TMEM117: variants seen among roughly 807,000 people sequenced by gnomAD.
TMEM117 encodes transmembrane protein 117.
Under a neutral mutation model 52.4 loss-of-function variants are expected in TMEM117, and 27 were observed. The ratio of observed to expected loss-of-function variants is 0.51; its 90% confidence interval spans 0.38 to 0.71. The LOEUF (loss-of-function observed/expected upper bound fraction) is 0.71, where lower values mean the gene tolerates loss of function less well. Ranked by LOEUF, TMEM117 falls within the 30% of genes least tolerant of loss-of-function variation. The probability of loss-of-function intolerance (pLI) is 0.00; values close to 1 mark genes in which losing one functional copy is unlikely to be tolerated. For missense variants in TMEM117, 556 were observed against 630.5 expected (o/e 0.88, Z 1.26); for synonymous variants, 215 against 206.3 (o/e 1.04, Z -0.36).
chr12:43,879,269 C>T (rs1943854605), intron 2 of TMEM117, among the ~76,000 whole-genome samples: 1 of 152,114 alleles, frequency 6.6e-6, no homozygotes, highest in African/African-American at 2.4e-5. Context: ...AAAACTTTAT[C>T]ATCAAAACAG....
intron 3 of TMEM117, among the ~76,000 whole-genome samples, chr12:44,114,917 T>C (rs1268204967): frequency 6.6e-6 from 1 of 152,224 alleles, no homozygotes; most frequent in East Asian, 1.9e-4. Flanking sequence ...AGATACAGGC[T>C]ATGAATAAAA....
intron 3 of TMEM117, among the ~76,000 whole-genome samples, chr12:43,955,932 A>G (rs1305644018): frequency 1.3e-5 from 2 of 152,336 alleles, no homozygotes; most frequent in East Asian, 3.9e-4. Flanking sequence ...TGGTACTGGT[A>G]CGAAAATAGG....
chr12:43,925,237 C>T (rs1592368251), intron 2 of TMEM117, among the ~76,000 whole-genome samples: 1 of 151,850 alleles, frequency 6.6e-6, no homozygotes, highest in Admixed American at 6.6e-5. Flanking sequence ...GTGGGGGTGT[C>T]TAGCCAGAGG....
intron 7 of TMEM117, among the ~76,000 whole-genome samples, chr12:44,378,958 T>C (rs889200521): frequency 1.3e-5 from 2 of 152,054 alleles, no homozygotes; most frequent in African/African-American, 4.8e-5. Context: ...AAAAAGGCTT[T>C]TGAGGATTCT....
intron 2 of TMEM117, among the ~76,000 whole-genome samples, chr12:43,924,126 A>G (rs1944739734): frequency 6.6e-6 from 1 of 152,172 alleles, no homozygotes; most frequent in South Asian, 2.1e-4. Flanking sequence ...AATGGGTTTT[A>G]TATACTAATC....
At chr12:44,072,382 CCTCT>C (rs916535688) in intron 3 of TMEM117, among the ~76,000 whole-genome samples, 15 of 152,100 alleles carry the variant, frequency 9.9e-5, no homozygotes, top group African/African-American at 3.6e-4. Flanking sequence ...CATTCCCGTT[CCTCT>C]CTCTCTGCCT....
At chr12:44,140,016 A>G (rs1948548868) in intron 3 of TMEM117, among the ~76,000 whole-genome samples, 1 of 152,180 alleles carries the variant, frequency 6.6e-6, no homozygotes, top group South Asian at 2.1e-4. Context: ...AGCAGCAAAA[A>G]TAAGAATAAT....
the TMEM117 span, chr12:43,798,683 T>A: frequency 1.6e-6 from 2 of 1,264,098 alleles, no homozygotes; most frequent in South Asian, 2.9e-5. Context: ...AATAATATGA[T>A]AGATCCTTGC....
intron 4 of TMEM117, among the ~76,000 whole-genome samples, chr12:44,161,855 T>C (rs1298684854): frequency 6.6e-6 from 1 of 152,144 alleles, no homozygotes; most frequent in African/African-American, 2.4e-5. Context: ...AGTGACAAGT[T>C]GATACTGATC....
chr12:44,016,702 A>C (rs375103422), intron 3 of TMEM117, among the ~76,000 whole-genome samples: 2 of 152,202 alleles, frequency 1.3e-5, no homozygotes, highest in African/African-American at 4.8e-5. Flanking sequence ...TTACGAGCTA[A>C]TGGGAATGTA....
intron 6 of TMEM117, among the ~76,000 whole-genome samples, chr12:44,313,954 G>C (rs1951022528): frequency 6.6e-6 from 1 of 152,096 alleles, no homozygotes; most frequent in Admixed American, 6.6e-5. Flanking sequence ...TGCTGATTTT[G>C]TGTCCTGAAA....
At chr12:44,176,123 A>G (rs1184954458) in intron 4 of TMEM117, among the ~76,000 whole-genome samples, 1 of 152,218 alleles carries the variant, frequency 6.6e-6, no homozygotes, top group Non-Finnish European at 1.5e-5. Flanking sequence ...ATATTTCAAA[A>G]TTTCTTCTCA....
At chr12:44,068,238 C>T (rs139795055) in intron 3 of TMEM117, among the ~76,000 whole-genome samples, 4 of 152,286 alleles carry the variant, frequency 2.6e-5, no homozygotes, top group African/African-American at 2.4e-5. Context: ...CAGCAAGAGG[C>T]TATTTTGCTA....
chr12:43,924,581 A>G (rs973115528), intron 2 of TMEM117, among the ~76,000 whole-genome samples: 2 of 152,202 alleles, frequency 1.3e-5, no homozygotes, highest in Admixed American at 6.5e-5. Context: ...TAAAATGTCA[A>G]ACATTTTAAT....
chr12:43,983,627 A>G (rs1945798118), intron 3 of TMEM117, among the ~76,000 whole-genome samples: 1 of 150,666 alleles, frequency 6.6e-6, no homozygotes, highest in Non-Finnish European at 1.5e-5. Flanking sequence ...TTTGATCAAC[A>G]TAGTATGAGG....
At chr12:43,798,619 C>G in the TMEM117 span, 3 of 1,466,876 alleles carry the variant, frequency 2.0e-6, no homozygotes, top group African/African-American at 3.1e-5. Context: ...CTATCAAACT[C>G]GTAAAAAAAA....
intron 3 of TMEM117, among the ~76,000 whole-genome samples, chr12:43,992,118 G>A (rs991303771): frequency 1.3e-5 from 2 of 151,350 alleles, no homozygotes; most frequent in Non-Finnish European, 2.9e-5. Context: ...AGGTAAGATC[G>A]CACCACTGCA....
chr12:43,836,502 C>T (rs1943032742), intron 1 of TMEM117, among the ~76,000 whole-genome samples: 2 of 152,088 alleles, frequency 1.3e-5, no homozygotes, highest in African/African-American at 4.8e-5. Flanking sequence ...CCTCAAACTC[C>T]CGGCTCCAGT....
At chr12:43,828,582 C>A in the TMEM117 span, among the ~76,000 whole-genome samples, 3 of 152,224 alleles carry the variant, frequency 2.0e-5, no homozygotes, top group Admixed American at 1.3e-4. Context: ...TAACCCTTGT[C>A]ATGAAACAAA....
Sources: gnomAD v4.1 joint callset for allele counts (sites outside exome capture counted in the v4.1 genomes callset) on GRCh38, gnomAD v4.1.1 for gene constraint, MANE v1.5 for transcripts, NCBI Gene and HGNC (gene_info 2026-07-23, HGNC 2026-07-21) for gene names.